HEMK2: variants seen among roughly 807,000 people sequenced by gnomAD.
The protein encoded by HEMK2 is HemK methyltransferase 2, ETF1 glutamine and histone H4 lysine.
the HEMK2 span, among the ~76,000 whole-genome samples, chr21:28,625,083 A>G: frequency 6.6e-6 from 1 of 152,224 alleles, no homozygotes; most frequent in Non-Finnish European, 1.5e-5. Context: ...TTGCTAAGTC[A>G]TGCACCCAAC....
chr21:28,647,514 A>AG, the HEMK2 span, among the ~76,000 whole-genome samples: 38 of 149,426 alleles, frequency 2.5e-4, 1 homozygote, highest in East Asian at 6.3e-3. Context: ...ATCTCAAAAA[A>AG]AAAAAAAAAA....
chr21:28,822,387 A>C, the HEMK2 span, among the ~76,000 whole-genome samples: 175 of 152,322 alleles, frequency 1.1e-3, no homozygotes, highest in African/African-American at 4.0e-3. Flanking sequence ...CCACAATTTA[A>C]ATCACACATC....
At chr21:28,770,952 T>C in the HEMK2 span, among the ~76,000 whole-genome samples, 1 of 152,106 alleles carries the variant, frequency 6.6e-6, no homozygotes, top group African/African-American at 2.4e-5. Flanking sequence ...CAGTACCAAA[T>C]GCTGTCTCTC....
chr21:28,844,768 T>TTTTTA, the HEMK2 span, among the ~76,000 whole-genome samples: 1 of 143,384 alleles, frequency 7.0e-6, no homozygotes, highest in Non-Finnish European at 1.5e-5. Context: ...AATTACACTT[T>TTTTTA]CTTTTACTTT....
At chr21:28,841,187 TATAATA>T in the HEMK2 span, among the ~76,000 whole-genome samples, 2 of 19,626 alleles carry the variant, frequency 1.0e-4, no homozygotes, top group African/African-American at 7.3e-4. Flanking sequence ...AAATATATAT[TATAATA>T]TATATATTAT....
At chr21:28,576,898 ATAGGGTTT>A in the HEMK2 span, among the ~76,000 whole-genome samples, 1 of 152,164 alleles carries the variant, frequency 6.6e-6, no homozygotes, top group Non-Finnish European at 1.5e-5. Context: ...TTTAGTAAAG[ATAGGGTTT>A]CACCATGTTA....
chr21:28,791,869 C>T, the HEMK2 span, among the ~76,000 whole-genome samples: 77,188 of 151,748 alleles, frequency 0.51, 22,041 homozygotes, highest in East Asian at 0.78. Flanking sequence ...CAGGAAAAGA[C>T]AGGAGGTTGG....
the HEMK2 span, among the ~76,000 whole-genome samples, chr21:28,726,126 AAAT>A: frequency 6.6e-6 from 1 of 152,162 alleles, no homozygotes; most frequent in Non-Finnish European, 1.5e-5. Flanking sequence ...AAATTTAACT[AAAT>A]AAGAATTTAA....
At chr21:28,689,241 G>T in the HEMK2 span, among the ~76,000 whole-genome samples, 1 of 152,212 alleles carries the variant, frequency 6.6e-6, no homozygotes, top group Non-Finnish European at 1.5e-5. Flanking sequence ...CCCGTTAAAA[G>T]CCATGCTTAA....
chr21:28,758,615 G>A, the HEMK2 span, among the ~76,000 whole-genome samples: 2 of 152,132 alleles, frequency 1.3e-5, no homozygotes, highest in African/African-American at 4.8e-5. Flanking sequence ...TGACTAAGAA[G>A]AGAAATTCTT....
At chr21:28,601,238 C>A in the HEMK2 span, among the ~76,000 whole-genome samples, 1 of 152,120 alleles carries the variant, frequency 6.6e-6, no homozygotes, top group Non-Finnish European at 1.5e-5. Context: ...CCCAGCACTA[C>A]CATCTCACTG....
chr21:28,866,342 G>A, the HEMK2 span, among the ~76,000 whole-genome samples: 9 of 149,858 alleles, frequency 6.0e-5, no homozygotes, highest in South Asian at 2.2e-4. Context: ...CTAGCTACTC[G>A]GGAGGCTGAG....
the HEMK2 span, among the ~76,000 whole-genome samples, chr21:28,673,300 T>G: frequency 2.6e-4 from 40 of 152,318 alleles, no homozygotes; most frequent in African/African-American, 9.4e-4. Context: ...TCATAACTGT[T>G]TTCTCCAATC....
chr21:28,771,518 A>ACCCCCCACC, the HEMK2 span, among the ~76,000 whole-genome samples: 3 of 105,594 alleles, frequency 2.8e-5, no homozygotes, highest in South Asian at 3.9e-4. Flanking sequence ...AAGATGCACC[A>ACCCCCCACC]CCCCCCCCCG....
the HEMK2 span, among the ~76,000 whole-genome samples, chr21:28,672,933 G>A: frequency 1.4e-4 from 20 of 144,522 alleles, no homozygotes; most frequent in East Asian, 2.0e-4. Context: ...CATGATAAAC[G>A]CAAAAAGAAG....
the HEMK2 span, among the ~76,000 whole-genome samples, chr21:28,578,862 T>G: frequency 2.0e-5 from 3 of 152,138 alleles, no homozygotes; most frequent in African/African-American, 7.2e-5. Context: ...CTAATAAATT[T>G]GTAAGTATGT....
At chr21:28,627,533 G>A in the HEMK2 span, among the ~76,000 whole-genome samples, 7 of 152,198 alleles carry the variant, frequency 4.6e-5, no homozygotes, top group South Asian at 2.1e-4. Context: ...ATTTGTAAGC[G>A]CTCTTCCATT....
At chr21:28,631,931 T>C in the HEMK2 span, among the ~76,000 whole-genome samples, 4 of 152,148 alleles carry the variant, frequency 2.6e-5, no homozygotes, top group East Asian at 5.8e-4. Context: ...CAATTTATAT[T>C]ATTTACATTG....
At chr21:28,652,427 TCTTCCTCCCTTC>T in the HEMK2 span, among the ~76,000 whole-genome samples, 3 of 149,782 alleles carry the variant, frequency 2.0e-5, no homozygotes, top group African/African-American at 7.5e-5. Flanking sequence ...TTCTCTCTTT[TCTTCCTCCCTTC>T]CTTCCTTCCT....
Sources: allele counts gnomAD v4.1 joint callset (sites outside exome capture counted in the v4.1 genomes callset), GRCh38; gene constraint gnomAD v4.1.1; transcripts MANE v1.5; gene names NCBI Gene and HGNC (gene_info 2026-07-23, HGNC 2026-07-21).